The following IGSF10 variants were observed in gnomAD, a reference collection of about 807,000 sequenced individuals.
IGSF10 encodes the protein immunoglobulin superfamily member 10.
IGSF10 carries 126 observed loss-of-function variants against 128.2 expected under a neutral mutation model. The observed-to-expected ratio is 0.98, with a 90% CI of 0.85 to 1.14. The LOEUF is 1.14. IGSF10 is among the 50% of genes most tolerant of loss of function. IGSF10 has a pLI of 0.00. For missense variants in IGSF10, 3,295 were observed against 3,149.8 expected, an observed-to-expected ratio of 1.05 and a Z score of -1.10; for synonymous variants, 1,185 against 1,146.2, an observed-to-expected ratio of 1.03 and a Z score of -0.68.
At chr3:151,568,015 G>T in the IGSF10 span, among the ~76,000 whole-genome samples, 1 of 152,036 alleles carries the variant, frequency 6.6e-6, no homozygotes, top group Non-Finnish European at 1.5e-5. Flanking sequence ...TTAAAACAAA[G>T]CCTCTCTCTC....
the IGSF10 span, among the ~76,000 whole-genome samples, chr3:151,481,122 G>C: frequency 2.0e-5 from 3 of 152,158 alleles, no homozygotes; most frequent in Non-Finnish European, 1.5e-5. Context: ...GAGATCCAGA[G>C]GCTCTGCTGA....
chr3:151,461,339 G>T (rs1204813500), upstream of IGSF10: 1 of 985,294 alleles, frequency 1.0e-6, no homozygotes, highest in Non-Finnish European at 1.2e-6. Context: ...TTGGTTTAAG[G>T]GTTTACGTAA....
At chr3:151,587,106 A>G in the IGSF10 span, among the ~76,000 whole-genome samples, 1 of 152,126 alleles carries the variant, frequency 6.6e-6, no homozygotes, top group Non-Finnish European at 1.5e-5. Flanking sequence ...GGAACAAAAA[A>G]AAACCTCACA....
chr3:151,558,027 A>ATTATATATATATAATATATATATATATAT, the IGSF10 span, among the ~76,000 whole-genome samples: 1 of 52,922 alleles, frequency 1.9e-5, no homozygotes, highest in Non-Finnish European at 3.4e-5. Flanking sequence ...TAATATATAT[A>ATTATATATATATAATATATATATATATAT]TTGGTACAAT....
chr3:151,467,754 G>A, the IGSF10 span, among the ~76,000 whole-genome samples: 1 of 151,814 alleles, frequency 6.6e-6, no homozygotes, highest in East Asian at 1.9e-4. Context: ...CGAGGTGGCG[G>A]GCACCTGTAG....
chr3:151,554,407 C>T, the IGSF10 span, among the ~76,000 whole-genome samples: 1 of 151,900 alleles, frequency 6.6e-6, no homozygotes, highest in Non-Finnish European at 1.5e-5. Flanking sequence ...TCTTTAGTAC[C>T]AAACAACTTC....
the IGSF10 span, among the ~76,000 whole-genome samples, chr3:151,539,286 T>C: frequency 6.6e-6 from 1 of 152,142 alleles, no homozygotes; most frequent in African/African-American, 2.4e-5. Context: ...GAAGACCAGA[T>C]GCAGACGTGA....
chr3:151,599,161 A>G, the IGSF10 span, among the ~76,000 whole-genome samples: 1 of 151,610 alleles, frequency 6.6e-6, no homozygotes, highest in African/African-American at 2.4e-5. Context: ...GAAGGGCTCC[A>G]GGAAAGGGCA....
intron 7 of IGSF10, among the ~76,000 whole-genome samples, chr3:151,441,868 T>C (rs1433619925): frequency 2.0e-5 from 3 of 152,186 alleles, no homozygotes; most frequent in Non-Finnish European, 4.4e-5. Context: ...AAGACCATCC[T>C]GGCTAACATG....
At chr3:151,576,778 T>C in the IGSF10 span, among the ~76,000 whole-genome samples, 1 of 152,102 alleles carries the variant, frequency 6.6e-6, no homozygotes, top group African/African-American at 2.4e-5. Flanking sequence ...TTACCCTATA[T>C]GGTCTAAAAG....
At chr3:151,449,690 A>T (rs1721419752) in intron 5 of IGSF10, among the ~76,000 whole-genome samples, 1 of 152,238 alleles carries the variant, frequency 6.6e-6, no homozygotes, top group Non-Finnish European at 1.5e-5. Flanking sequence ...GTTCTTTAAA[A>T]GATAAGCTGT....
At chr3:151,471,941 G>T in the IGSF10 span, among the ~76,000 whole-genome samples, 10 of 152,126 alleles carry the variant, frequency 6.6e-5, no homozygotes, top group Non-Finnish European at 1.2e-4. Flanking sequence ...AAACAAAATT[G>T]GTATCTAAAA....
chr3:151,469,173 A>C, the IGSF10 span, among the ~76,000 whole-genome samples: 2 of 152,184 alleles, frequency 1.3e-5, no homozygotes, highest in African/African-American at 4.8e-5. Flanking sequence ...TGTCTTTGCT[A>C]TCGTGAATAG....
the IGSF10 span, among the ~76,000 whole-genome samples, chr3:151,486,373 A>T: frequency 6.6e-6 from 1 of 152,156 alleles, no homozygotes; most frequent in African/African-American, 2.4e-5. Flanking sequence ...TAATAGTGGG[A>T]GACTTTAACA....
intron 4 of IGSF10, 68 bp from the exon 5 acceptor site, chr3:151,453,842 C>A: frequency 1.1e-6 from 1 of 951,952 alleles, no homozygotes; most frequent in Non-Finnish European, 1.6e-6. Flanking sequence ...AAAGTCCTAT[C>A]AATAACAAAA....
chr3:151,484,355 A>C, the IGSF10 span, among the ~76,000 whole-genome samples: 1 of 152,180 alleles, frequency 6.6e-6, no homozygotes, highest in African/African-American at 2.4e-5. Context: ...ACATGGCGGG[A>C]GGGGCAGTTG....
At chr3:151,492,522 G>A in the IGSF10 span, among the ~76,000 whole-genome samples, 2 of 152,080 alleles carry the variant, frequency 1.3e-5, no homozygotes, top group Non-Finnish European at 1.5e-5. Context: ...ATCACTTGAG[G>A]TCAGGAGTTT....
chr3:151,537,757 GCT>G, the IGSF10 span, among the ~76,000 whole-genome samples: 1 of 152,050 alleles, frequency 6.6e-6, no homozygotes, highest in Non-Finnish European at 1.5e-5. Context: ...TTTTTGTCAA[GCT>G]CTCTGATCTG....
the IGSF10 span, among the ~76,000 whole-genome samples, chr3:151,550,663 A>G: frequency 6.6e-6 from 1 of 152,074 alleles, no homozygotes; most frequent in Non-Finnish European, 1.5e-5. Flanking sequence ...GAAGTTGGTC[A>G]TTACGATTTT....
Sources: allele counts gnomAD v4.1 joint callset (sites outside exome capture counted in the v4.1 genomes callset), GRCh38; gene constraint gnomAD v4.1.1; transcripts MANE v1.5; gene names NCBI Gene and HGNC (gene_info 2026-07-23, HGNC 2026-07-21).